EHBP1: variants seen among roughly 807,000 people sequenced by gnomAD.
EHBP1 encodes the protein EH domain-binding protein 1.
EHBP1 carries 55 observed loss-of-function variants against 144.0 expected under a neutral mutation model. That is an observed-to-expected ratio of 0.38 (90% CI 0.31 to 0.48). The LOEUF is 0.48. Among genes scored for constraint, EHBP1 ranks in the 20% least tolerant of loss-of-function variants. The pLI, the probability that EHBP1 is intolerant of heterozygous loss-of-function variation, is 0.98. For synonymous variants in EHBP1, 469 were observed against 472.7 expected (o/e 0.99, Z 0.10); for missense variants, 1,200 against 1,364.2 (o/e 0.88, Z 1.90).
At chr2:62,720,389 A>G (rs1440058457) in intron 2 of EHBP1, among the ~76,000 whole-genome samples, 2 of 152,082 alleles carry the variant, frequency 1.3e-5, no homozygotes, top group Non-Finnish European at 2.9e-5. Context: ...ATTCTGTTTT[A>G]CTAGTCTTCT....
At chr2:62,935,315 C>T (rs1391665824) in intron 10 of EHBP1, among the ~76,000 whole-genome samples, 4 of 131,812 alleles carry the variant, frequency 3.0e-5, no homozygotes, top group African/African-American at 1.2e-4. Context: ...GGCGACAGAG[C>T]GAGACTCCAT....
At chr2:62,912,140 A>G (rs2152979993) in intron 10 of EHBP1, among the ~76,000 whole-genome samples, 1 of 152,306 alleles carries the variant, frequency 6.6e-6, no homozygotes, top group East Asian at 1.9e-4. Flanking sequence ...TCTATGAGTG[A>G]TATGATATTA....
At chr2:62,957,003 GCTT>G (rs2057737452) in intron 14 of EHBP1, among the ~76,000 whole-genome samples, 1 of 152,152 alleles carries the variant, frequency 6.6e-6, no homozygotes, top group Non-Finnish European at 1.5e-5. Context: ...TTATGATCTA[GCTT>G]TTCTTAAAAA....
rs200924916 is a variant in EHBP1 at position 62,875,573 on chromosome 2, A to G, written c.1185+1041A>G. On this transcript the variant is annotated intron_variant, in intron 10 of 22. Coordinates refer to ENST00000431489, the MANE Select transcript of EHBP1 (RefSeq NM_001142616.3). Reference sequence around the variant, plus strand: ...GCCAGTGCAAGAACAATGGCAACTCAAAAACCCAGTGTCTTCTTACCTCAA... The same window carrying G: ...GCCAGTGCAAGAACAATGGCAACTCGAAAACCCAGTGTCTTCTTACCTCAA... Among the ~76,000 whole-genome samples the G allele has an allele frequency of 5.9e-5, 9 of 152,334 alleles. No individual in the cohort carries two copies. In the East Asian group the frequency reaches 1.7e-3, roughly 29 times the overall value.
At chr2:62,898,903 G>A (rs2053169426) in intron 10 of EHBP1, among the ~76,000 whole-genome samples, 2 of 152,144 alleles carry the variant, frequency 1.3e-5, no homozygotes, top group African/African-American at 4.8e-5. Flanking sequence ...GATAGACTAA[G>A]TTTTAGCTTC....
intron 5 of EHBP1, among the ~76,000 whole-genome samples, chr2:62,812,130 G>A (rs2045063945): frequency 6.6e-6 from 1 of 152,104 alleles, no homozygotes; most frequent in South Asian, 2.1e-4. Context: ...AAGCTCTCTT[G>A]CCCTTCCACC....
chr2:62,812,259 T>A (rs1282649859), intron 5 of EHBP1, among the ~76,000 whole-genome samples: 1 of 152,074 alleles, frequency 6.6e-6, no homozygotes, highest in East Asian at 1.9e-4. Flanking sequence ...AATTACCCAC[T>A]CTCTGATACT....
chr2:62,836,266 C>G (rs990275734), intron 7 of EHBP1, among the ~76,000 whole-genome samples: 1 of 151,960 alleles, frequency 6.6e-6, no homozygotes, highest in African/African-American at 2.4e-5. Flanking sequence ...TTCCAACAGA[C>G]CTGCAGCTGA....
chr2:62,978,126 T>G (rs1408437934), intron 14 of EHBP1, among the ~76,000 whole-genome samples: 1 of 152,156 alleles, frequency 6.6e-6, no homozygotes, highest in Non-Finnish European at 1.5e-5. Context: ...ATCATAATAA[T>G]GCCATATTTT....
chr2:62,916,268 A>T (rs1368276669), intron 10 of EHBP1, among the ~76,000 whole-genome samples: 23 of 152,110 alleles, frequency 1.5e-4, no homozygotes, highest in Admixed American at 1.5e-3. Context: ...GAAGCAAAAG[A>T]TAGACAAGAT....
At chr2:62,867,890 A>G (rs2152824079) in intron 9 of EHBP1, among the ~76,000 whole-genome samples, 1 of 152,304 alleles carries the variant, frequency 6.6e-6, no homozygotes, top group South Asian at 2.1e-4. Flanking sequence ...TCATACATAT[A>G]TTGCCAATTT....
intron 14 of EHBP1, among the ~76,000 whole-genome samples, chr2:62,961,435 A>T (rs1386478587): frequency 1.8e-4 from 27 of 152,002 alleles, no homozygotes; most frequent in Admixed American, 1.7e-3. Context: ...TCTGTATTTT[A>T]TGTTTCTTTT....
chr2:62,821,107 A>T (rs2045950870), intron 5 of EHBP1, among the ~76,000 whole-genome samples: 2 of 152,212 alleles, frequency 1.3e-5, no homozygotes, highest in South Asian at 4.1e-4. Flanking sequence ...AGAATCTTAT[A>T]GAACAGTCTA....
chr2:62,841,885 A>C (rs2047911893), intron 7 of EHBP1, among the ~76,000 whole-genome samples: 1 of 152,078 alleles, frequency 6.6e-6, no homozygotes. Flanking sequence ...GGCTGCTGTA[A>C]CAAAATACCT....
Position 62,839,336 on chromosome 2 carries a change from G to A in EHBP1, c.634+8178G>A, listed in dbSNP as rs1307967166. Among the ~76,000 whole-genome samples, 6 of 143,372 alleles carry A rather than the reference G, an allele frequency of 4.2e-5. No individual in the cohort carries two copies. The South Asian group carries it at 1.2e-3, about 28-fold the overall frequency. The allele number at this position is 143,372 out of a possible 152,430, so 94.1% of individuals were successfully genotyped here. A position where few individuals can be genotyped will look rare whatever the true frequency, so the allele number is the denominator to read the frequency against. On this transcript the variant is annotated intron_variant, in intron 7 of 22. Transcript: ENST00000431489. Reference sequence around the variant, plus strand: ...TCAATAAATTAGGTATTGATGGGACGTATTTCAAAATAATAAGAGCTATCT... The same window carrying A: ...TCAATAAATTAGGTATTGATGGGACATATTTCAAAATAATAAGAGCTATCT...
chr2:62,749,726 A>G (rs964589363), intron 3 of EHBP1, among the ~76,000 whole-genome samples: 3 of 152,142 alleles, frequency 2.0e-5, no homozygotes, highest in African/African-American at 7.2e-5. Flanking sequence ...CATTTCTCTG[A>G]TGGCCAGTGA....
chr2:62,703,912 A>T (rs1188635297), upstream of EHBP1, among the ~76,000 whole-genome samples: 1 of 152,232 alleles, frequency 6.6e-6, no homozygotes, highest in East Asian at 1.9e-4. Flanking sequence ...AAGTTTGAGA[A>T]CTTCCAGAGA....
intron 10 of EHBP1, among the ~76,000 whole-genome samples, chr2:62,889,940 C>T (rs1034373458): frequency 9.3e-5 from 13 of 139,816 alleles, no homozygotes; most frequent in African/African-American, 3.4e-4. Flanking sequence ...AGGATAGGCT[C>T]TTTTTTTATT....
intron 19 of EHBP1, among the ~76,000 whole-genome samples, chr2:63,009,886 C>T (rs2060198146): frequency 6.6e-6 from 1 of 151,272 alleles, no homozygotes; most frequent in Admixed American, 6.6e-5. Flanking sequence ...AAATTAGGCA[C>T]AGTAAGAGAT....
Sources: gnomAD v4.1 joint callset for allele counts (sites outside exome capture counted in the v4.1 genomes callset) on GRCh38, gnomAD v4.1.1 for gene constraint, MANE v1.5 for transcripts, NCBI Gene and HGNC (gene_info 2026-07-23, HGNC 2026-07-21) for gene names.